KLHL1: variants seen among roughly 807,000 people sequenced by gnomAD.
The protein encoded by KLHL1 is kelch-like protein 1.
Under a neutral mutation model 77.7 loss-of-function variants are expected in KLHL1, and 47 were observed. The observed-to-expected ratio is 0.60, with a 90% CI of 0.48 to 0.77. KLHL1 has a LOEUF of 0.77. Ranked by LOEUF, KLHL1 falls within the 30% of genes least tolerant of loss-of-function variation. The pLI is 0.00. For missense variants in KLHL1, 925 were observed against 910.8 expected (o/e 1.02, Z -0.20); for synonymous variants, 360 against 325.2 (o/e 1.11, Z -1.15).
At chr13:69,763,092 A>AGAATTGTG (rs1034248898) in intron 7 of KLHL1, among the ~76,000 whole-genome samples, 5 of 152,286 alleles carry the variant, frequency 3.3e-5, no homozygotes, top group Admixed American at 3.3e-4. Context: ...GGCAAGAATT[A>AGAATTGTG]GAATTGTGTC....
At chr13:69,810,574 C>G (rs949891010) in intron 6 of KLHL1, among the ~76,000 whole-genome samples, 1 of 151,888 alleles carries the variant, frequency 6.6e-6, no homozygotes, top group Non-Finnish European at 1.5e-5. Flanking sequence ...ACATCTACAT[C>G]GAGAAGATAG....
In KLHL1 at chr13:69,816,717, A is replaced by C. The variant is rs897091340; in HGVS notation, c.1415-19755T>G. Among the ~76,000 whole-genome samples, 7 of 152,306 alleles carry C rather than the reference A, an allele frequency of 4.6e-5. No individual in the cohort carries two copies. In the Middle Eastern group the frequency reaches 0.014, roughly 296 times the overall value. On this transcript the variant is annotated intron_variant, in intron 6 of 10. Transcript: ENST00000377844. ...GAGACTTTTAAAAAGGTAAGCCAAA[A>C]CTTAAACTTATTATTTCTACCATTA...
At chr13:70,024,672 G>GGC (rs1885897750) in intron 1 of KLHL1, among the ~76,000 whole-genome samples, 1 of 83,610 alleles carries the variant, frequency 1.2e-5, no homozygotes, top group Non-Finnish European at 3.3e-5. Flanking sequence ...CTCTGGCTCT[G>GGC]TCTCTTTTTC....
chr13:69,764,371 G>A (rs1875166723), intron 7 of KLHL1, among the ~76,000 whole-genome samples: 1 of 151,934 alleles, frequency 6.6e-6, no homozygotes, highest in Non-Finnish European at 1.5e-5. Flanking sequence ...TGGCAGAATT[G>A]CTCTGAATCT....
At chr13:69,790,743 T>C (rs1463359317) in intron 7 of KLHL1, among the ~76,000 whole-genome samples, 1 of 152,106 alleles carries the variant, frequency 6.6e-6, no homozygotes, top group Non-Finnish European at 1.5e-5. Context: ...ACCCTTTTCA[T>C]GATAAAAACA....
intron 1 of KLHL1, among the ~76,000 whole-genome samples, chr13:70,004,519 C>A (rs1885363442): frequency 1.2e-5 from 1 of 84,946 alleles, no homozygotes; most frequent in South Asian, 3.6e-4. Context: ...ATCCTGCCAT[C>A]CCCCTGACTA....
intron 4 of KLHL1, among the ~76,000 whole-genome samples, chr13:69,923,251 T>G (rs1882702772): frequency 1.3e-5 from 2 of 152,064 alleles, no homozygotes; most frequent in Non-Finnish European, 2.9e-5. Context: ...CTGATGAAAA[T>G]TGGAACAGAA....
At chr13:69,867,881 T>C (rs12870797) in intron 5 of KLHL1, among the ~76,000 whole-genome samples, 6 of 148,160 alleles carry the variant, frequency 4.0e-5, no homozygotes, top group Non-Finnish European at 7.5e-5. Flanking sequence ...AGGGATAGCA[T>C]TAGGAGATAT....
intron 6 of KLHL1, among the ~76,000 whole-genome samples, chr13:69,835,944 T>C (rs886958497): frequency 1.3e-5 from 2 of 152,114 alleles, no homozygotes; most frequent in Non-Finnish European, 2.9e-5. Flanking sequence ...CTTTTAAACA[T>C]GATGGATTAG....
chr13:69,833,348 T>A (rs2138098048), intron 6 of KLHL1, among the ~76,000 whole-genome samples: 1 of 151,708 alleles, frequency 6.6e-6, no homozygotes, highest in Non-Finnish European at 1.5e-5. Context: ...AACAAACATA[T>A]GAAAAAATGC....
intron 7 of KLHL1, among the ~76,000 whole-genome samples, chr13:69,760,357 T>C (rs1334259710): frequency 6.6e-6 from 1 of 151,672 alleles, no homozygotes; most frequent in Non-Finnish European, 1.5e-5. Context: ...TTTATTATTA[T>C]TATTATTATT....
intron 7 of KLHL1, among the ~76,000 whole-genome samples, chr13:69,760,575 G>A (rs553445531): frequency 2.6e-5 from 4 of 151,916 alleles, no homozygotes; most frequent in South Asian, 4.2e-4. Context: ...GGCTGGTCTC[G>A]ATCTCCTGAC....
At chr13:69,727,185 G>C (rs999794223) in intron 8 of KLHL1, among the ~76,000 whole-genome samples, 33 of 151,972 alleles carry the variant, frequency 2.2e-4, no homozygotes, top group Admixed American at 2.0e-3. Context: ...ATCTTATTTT[G>C]GTTTTAAGCA....
At chr13:69,839,235 A>G (rs1053459477) in intron 5 of KLHL1, 73 bp from the exon 6 acceptor site, 9 of 1,037,712 alleles carry the variant, frequency 8.7e-6, no homozygotes, top group Middle Eastern at 2.9e-4. Flanking sequence ...TTAAAACTAG[A>G]AGTTTAATGT....
intron 4 of KLHL1, among the ~76,000 whole-genome samples, chr13:69,896,099 G>T (rs148563457): frequency 6.6e-6 from 1 of 151,982 alleles, no homozygotes; most frequent in Admixed American, 6.6e-5. Context: ...CTTGGTGGCC[G>T]TTGCCTGGAG....
intron 5 of KLHL1, among the ~76,000 whole-genome samples, chr13:69,841,563 C>T (rs889940558): frequency 6.6e-6 from 1 of 151,586 alleles, no homozygotes; most frequent in African/African-American, 2.4e-5. Context: ...GAAGATAACA[C>T]AAACAAATAA....
intron 1 of KLHL1, among the ~76,000 whole-genome samples, chr13:70,044,165 G>T (rs1886441466): frequency 6.6e-6 from 1 of 151,976 alleles, no homozygotes; most frequent in South Asian, 2.1e-4. Context: ...ACTTCTCACA[G>T]CCCAGTTCAT....
intron 3 of KLHL1, among the ~76,000 whole-genome samples, chr13:69,944,801 T>C (rs1223987725): frequency 6.6e-6 from 1 of 152,048 alleles, no homozygotes; most frequent in East Asian, 1.9e-4. Flanking sequence ...CACTACCTGA[T>C]TTTAAGACTG....
At chr13:69,928,840 G>T (rs189295987) in intron 4 of KLHL1, among the ~76,000 whole-genome samples, 1 of 152,192 alleles carries the variant, frequency 6.6e-6, no homozygotes, top group African/African-American at 2.4e-5. Flanking sequence ...AGTGGTGATA[G>T]TTGCACAACT....
Sources: allele counts gnomAD v4.1 joint callset (sites outside exome capture counted in the v4.1 genomes callset), GRCh38; gene constraint gnomAD v4.1.1; transcripts MANE v1.5; gene names NCBI Gene and HGNC (gene_info 2026-07-23, HGNC 2026-07-21).